Variants in PUM2 observed in about 807,000 individuals in gnomAD.
PUM2 encodes pumilio RNA binding family member 2.
Under a neutral mutation model 124.5 loss-of-function variants are expected in PUM2, and 57 were observed. The observed-to-expected ratio is 0.46, with a 90% CI of 0.37 to 0.57. The LOEUF (loss-of-function observed/expected upper bound fraction) is 0.57. Among genes scored for constraint, PUM2 ranks in the 20% least tolerant of loss-of-function variants. The pLI, the probability that PUM2 is intolerant of heterozygous loss-of-function variation, is 0.00. For synonymous variants in PUM2, 460 were observed against 446.1 expected (o/e 1.03, Z -0.39); for missense variants, 1,065 against 1,290.6 (o/e 0.83, Z 2.68).
intron 13 of PUM2, among the ~76,000 whole-genome samples, chr2:20,270,496 G>A (rs914145578): frequency 1.3e-5 from 2 of 151,992 alleles, no homozygotes; most frequent in African/African-American, 4.8e-5. Flanking sequence ...CTCTTGATGG[G>A]GTCATTGTGG....
intron 5 of PUM2, among the ~76,000 whole-genome samples, 156 bp from the exon 6 acceptor site, chr2:20,308,740 A>C (rs1344543111): frequency 2.0e-5 from 3 of 152,172 alleles, no homozygotes; most frequent in African/African-American, 7.2e-5. Context: ...TTTTCTATTT[A>C]ATATAACTTT....
chr2:20,268,724 G>A (rs1408635937), intron 13 of PUM2, among the ~76,000 whole-genome samples: 1 of 152,084 alleles, frequency 6.6e-6, no homozygotes, highest in African/African-American at 2.4e-5. Flanking sequence ...ATATAAAACA[G>A]AAGTTACAGA....
At position 20,255,221 on chromosome 2, in the gene PUM2, C is replaced by T. The variant is rs1204824281; in HGVS notation, c.2743G>A (p.Val915Ile). The change falls in exon 18 of 21, where the codon GTA (valine) becomes ATA (isoleucine). Residue 915 changes from valine (V) to isoleucine (I), a missense_variant. By Grantham distance (29) the Val-to-Ile change is conservative (BLOSUM62 3). Coordinates refer to ENST00000361078, the MANE Select transcript of PUM2 (RefSeq NM_015317.5). Reference sequence around the variant, plus strand: ...AATTATTAGGGAATTTATACCTGTACCAACTGCTCTGTATGTTGGTGGAGT... The same window carrying T: ...AATTATTAGGGAATTTATACCTGTATCAACTGCTCTGTATGTTGGTGGAGT... ...EELHQHTEQL[V>I]QDQYGNYVIQ... 6.3e-7 allele frequency: 1 copy of T among 1,598,948 alleles called. No individual in the cohort carries two copies. Among genetic ancestry groups the T allele is most frequent in the South Asian group, 1.1e-5 (1 of 90,492 alleles).
At chr2:20,261,689 T>G (rs1477277095) in intron 14 of PUM2, among the ~76,000 whole-genome samples, 1 of 152,186 alleles carries the variant, frequency 6.6e-6, no homozygotes, top group Non-Finnish European at 1.5e-5. Context: ...ACTGATGATC[T>G]TTACACTGTA....
intron 7 of PUM2, among the ~76,000 whole-genome samples, chr2:20,299,823 C>T (rs577791343): frequency 2.6e-5 from 4 of 152,254 alleles, no homozygotes; most frequent in South Asian, 2.1e-4. Flanking sequence ...CTATGAAAAG[C>T]GTCAAACTCG....
intron 7 of PUM2, among the ~76,000 whole-genome samples, chr2:20,305,133 C>A (rs2148478329): frequency 6.6e-6 from 1 of 152,170 alleles, no homozygotes; most frequent in Admixed American, 6.5e-5. Context: ...GAAAGTTCTG[C>A]CACATCTTTA....
chr2:20,317,002 G>T (rs530115012), intron 3 of PUM2, among the ~76,000 whole-genome samples: 7 of 152,136 alleles, frequency 4.6e-5, no homozygotes, highest in African/African-American at 1.4e-4. Context: ...CTGCACTCCA[G>T]CCTGGGCCAC....
intron 7 of PUM2, among the ~76,000 whole-genome samples, chr2:20,305,282 C>T (rs920978651): frequency 6.6e-6 from 1 of 151,660 alleles, no homozygotes; most frequent in African/African-American, 2.4e-5. Flanking sequence ...CCCAGGAGTT[C>T]GAGACCAGCC....
At position 20,311,499 on chromosome 2, in the gene PUM2, A is replaced by G; in HGVS notation, c.513T>C (p.Asp171=). 1 of 1,605,808 alleles carries G rather than the reference A, an allele frequency of 6.2e-7. No homozygotes were observed. The highest frequency in any genetic ancestry group is 8.5e-7 in the Non-Finnish European group (1 of 1,177,062). The change falls in exon 5 of 21, where the codon GAT becomes GAC. Residue 171 remains aspartate, a synonymous_variant. Coordinates refer to ENST00000361078, the MANE Select transcript of PUM2 (RefSeq NM_015317.5). ...TGAGAAAGTTAAAATCTTACTTAAA[A>G]TCTTTGCAATCGGCATCCATTCCAT... ...LPNGMDADCK[D]FNRTPGSRQA...
intron 2 of PUM2, among the ~76,000 whole-genome samples, chr2:20,319,421 A>G (rs1400318310): frequency 1.3e-5 from 2 of 152,360 alleles, no homozygotes; most frequent in African/African-American, 4.8e-5. Context: ...AGAAGCATTC[A>G]TAAGACACCA....
chr2:20,265,114 C>T lies in PUM2; in HGVS notation c.1958-1654G>A, dbSNP rs149432265. On this transcript the variant is annotated intron_variant, in intron 13 of 20. Coordinates refer to ENST00000361078, the MANE Select transcript of PUM2 (RefSeq NM_015317.5). Reference sequence around the variant, plus strand: ...AATACAAAAAAAAATTAGCTGGGCGCGGTGGCGTGCACCTGTAATCCCAGC... The same window carrying T: ...AATACAAAAAAAAATTAGCTGGGCGTGGTGGCGTGCACCTGTAATCCCAGC... 1.3e-3 allele frequency among the ~76,000 whole-genome samples: 190 copies of T among 151,838 alleles called. 2 individuals carry two copies. The East Asian group carries it at 0.031, about 25-fold the overall frequency.
At position 20,249,376 on chromosome 2, in the gene PUM2, T is replaced by C. The variant is rs968407096; in HGVS notation, c.*2209A>G. Reference sequence around the variant, plus strand: ...AGTAGGAAAAAGTGAGACAGCGGCTTTGTGTGGGTTTTAAAAAAATGAAAC... The same window carrying C: ...AGTAGGAAAAAGTGAGACAGCGGCTCTGTGTGGGTTTTAAAAAAATGAAAC... On this transcript the variant is annotated 3_prime_UTR_variant, in exon 21 of 21. Coordinates refer to ENST00000361078, the MANE Select transcript of PUM2 (RefSeq NM_015317.5). 1 of 152,608 alleles carries C rather than the reference T, an allele frequency of 6.6e-6. No homozygotes were observed. The highest frequency in any genetic ancestry group is 1.5e-5 in the Non-Finnish European group (1 of 68,046). The allele number at this position is 152,608 out of a possible 1,614,324, so 9.5% of individuals were successfully genotyped here. A position where few individuals can be genotyped will look rare whatever the true frequency, so the allele number is the denominator to read the frequency against.
chr2:20,266,550 G>C (rs906548721), intron 13 of PUM2, among the ~76,000 whole-genome samples: 2 of 150,542 alleles, frequency 1.3e-5, no homozygotes, highest in African/African-American at 4.9e-5. Flanking sequence ...CTGAAAGGAC[G>C]AACTATCACC....
At chr2:20,311,361 A>G (rs1679563434) in intron 5 of PUM2, 133 bp downstream of exon 5, 1 of 1,098,430 alleles carries the variant, frequency 9.1e-7, no homozygotes, top group African/African-American at 1.6e-5. Context: ...AAAAAACTAA[A>G]ATTTGTCCAG....
At chr2:20,323,908 C>CAAAAAAAAAAAAA (rs397984008) in intron 2 of PUM2, among the ~76,000 whole-genome samples, 2 of 58,426 alleles carry the variant, frequency 3.4e-5, no homozygotes, top group Admixed American at 2.7e-4. Flanking sequence ...TACGGACTAG[C>CAAAAAAAAAAAAA]AAAAAAAAAA....
intron 9 of PUM2, among the ~76,000 whole-genome samples, chr2:20,292,076 C>T (rs1674261511): frequency 1.3e-5 from 2 of 149,788 alleles, no homozygotes; most frequent in African/African-American, 4.9e-5. Flanking sequence ...TGTCATCTTC[C>T]TTGATAAGCC....
At chr2:20,333,223 T>C (rs1685282383) in intron 1 of PUM2, among the ~76,000 whole-genome samples, 1 of 152,194 alleles carries the variant, frequency 6.6e-6, no homozygotes, top group Non-Finnish European at 1.5e-5. Context: ...AGTTTTCCTA[T>C]TTACTAGTGC....
chr2:20,327,632 T>G (rs1057101455), intron 1 of PUM2, among the ~76,000 whole-genome samples: 2 of 152,186 alleles, frequency 1.3e-5, no homozygotes, highest in African/African-American at 4.8e-5. Context: ...GAAAAACAAT[T>G]AAAGCCCAGA....
rs192026749 is a variant in PUM2 at position 20,273,932 on chromosome 2, T to G, written c.1957+4651A>C. ...ACTTTAACCAAAGAAAAGCATAACT[T>G]ATACCATAATGAGGTAATCATTAGA... is the stretch of plus-strand genomic sequence containing the variant. On this transcript the variant is annotated intron_variant, in intron 13 of 20. Coordinates refer to ENST00000361078, the MANE Select transcript of PUM2 (RefSeq NM_015317.5). Among the ~76,000 whole-genome samples, 11 of 152,264 alleles carry G rather than the reference T, an allele frequency of 7.2e-5. No homozygotes were observed. The East Asian group carries it at 2.1e-3, about 29-fold the overall frequency.
Sources: allele counts gnomAD v4.1 joint callset (sites outside exome capture counted in the v4.1 genomes callset), GRCh38; gene constraint gnomAD v4.1.1; transcripts MANE v1.5; gene names NCBI Gene and HGNC (gene_info 2026-07-23, HGNC 2026-07-21).